The following ZNF536 variants were observed in gnomAD, a reference collection of about 807,000 sequenced individuals.
ZNF536 encodes the protein zinc finger protein 536.
Under a neutral mutation model 84.5 loss-of-function variants are expected in ZNF536, and 13 were observed. The observed-to-expected ratio is 0.15, with a 90% CI of 0.10 to 0.24. The LOEUF (loss-of-function observed/expected upper bound fraction) is 0.24, where lower values mean the gene tolerates loss of function less well. Ranked by LOEUF, ZNF536 falls within the 10% of genes least tolerant of loss-of-function variation. The pLI is 1.00. For missense variants in ZNF536, 1,536 were observed against 1,747.5 expected, an observed-to-expected ratio of 0.88 and a Z score of 2.16; for synonymous variants, 811 against 742.5, an observed-to-expected ratio of 1.09 and a Z score of -1.50.
At chr19:30,361,128 G>C (rs2048260549) in intron 3 of ZNF536, among the ~76,000 whole-genome samples, 1 of 152,060 alleles carries the variant, frequency 6.6e-6, no homozygotes, top group Non-Finnish European at 1.5e-5. Flanking sequence ...TTTAATATTT[G>C]ATTTCATTTT....
At chr19:30,686,358 A>C (rs547837001) in intron 1 of ZNF536, among the ~76,000 whole-genome samples, 3 of 152,098 alleles carry the variant, frequency 2.0e-5, no homozygotes, top group Admixed American at 6.5e-5. Flanking sequence ...CCCTTAGAAG[A>C]GTTAGGAATT....
intron 1 of ZNF536, among the ~76,000 whole-genome samples, chr19:30,423,152 A>ACCAT (rs1427568987): frequency 1.2e-5 from 1 of 86,606 alleles, no homozygotes; most frequent in Non-Finnish European, 2.5e-5. Flanking sequence ...CATCCATCCA[A>ACCAT]CCATCCATCC....
chr19:30,481,807 T>A (rs1416662188), intron 2 of ZNF536, among the ~76,000 whole-genome samples: 1 of 152,180 alleles, frequency 6.6e-6, no homozygotes, highest in African/African-American at 2.4e-5. Context: ...ATATGTAGTC[T>A]TTTATCCCTC....
intron 2 of ZNF536, among the ~76,000 whole-genome samples, chr19:30,341,339 T>C (rs2047559376): frequency 6.6e-6 from 1 of 152,246 alleles, no homozygotes; most frequent in African/African-American, 2.4e-5. Flanking sequence ...TCAATAAATA[T>C]GTCCAGTTCG....
At chr19:30,308,843 G>A (rs1419132039) in intron 2 of ZNF536, among the ~76,000 whole-genome samples, 1 of 152,196 alleles carries the variant, frequency 6.6e-6, no homozygotes, top group African/African-American at 2.4e-5. Context: ...GATTTCCTGT[G>A]AAGGGTCCAT....
At chr19:30,299,572 A>G (rs1019219683) in intron 2 of ZNF536, among the ~76,000 whole-genome samples, 2 of 152,164 alleles carry the variant, frequency 1.3e-5, no homozygotes, top group African/African-American at 4.8e-5. Flanking sequence ...TTTATATATA[A>G]TAATATAAAA....
At chr19:30,513,895 T>C (rs2055522846) in intron 2 of ZNF536, among the ~76,000 whole-genome samples, 1 of 152,202 alleles carries the variant, frequency 6.6e-6, no homozygotes, top group Non-Finnish European at 1.5e-5. Flanking sequence ...TTTGAAGGAT[T>C]CTGAGACCCT....
intron 3 of ZNF536, among the ~76,000 whole-genome samples, chr19:30,537,202 T>C (rs2045121303): frequency 6.6e-6 from 1 of 152,226 alleles, no homozygotes; most frequent in Non-Finnish European, 1.5e-5. Flanking sequence ...CTGCGTCAAT[T>C]CGTGAAAGTG....
At chr19:30,279,150 C>A (rs2045346939) in intron 1 of ZNF536, among the ~76,000 whole-genome samples, 1 of 152,218 alleles carries the variant, frequency 6.6e-6, no homozygotes, top group Non-Finnish European at 1.5e-5. Flanking sequence ...CCAGATGTTG[C>A]TTCCTTAGAG....
At chr19:30,649,910 T>TAAA (rs34573085) in intron 1 of ZNF536, among the ~76,000 whole-genome samples, 2,968 of 149,482 alleles carry the variant, frequency 0.02, 91 homozygotes, top group African/African-American at 0.069. Context: ...TAATCTTAAC[T>TAAA]AAAAAAAAAA....
chr19:30,470,847 A>G (rs913357851), intron 2 of ZNF536, among the ~76,000 whole-genome samples: 4 of 151,836 alleles, frequency 2.6e-5, no homozygotes, highest in African/African-American at 9.7e-5. Flanking sequence ...CACCACGTCC[A>G]GCTACTCTTT....
intron 1 of ZNF536, among the ~76,000 whole-genome samples, chr19:30,605,529 A>G (rs1403053330): frequency 6.6e-6 from 1 of 152,174 alleles, no homozygotes; most frequent in African/African-American, 2.4e-5. Context: ...ATTCCTTTTC[A>G]TAGCAGAGTA....
intron 1 of ZNF536, among the ~76,000 whole-genome samples, chr19:30,666,343 G>A (rs950049064): frequency 6.6e-6 from 1 of 152,096 alleles, no homozygotes; most frequent in Non-Finnish European, 1.5e-5. Flanking sequence ...AGCTGGCCGG[G>A]TCCGACACGT....
At chr19:30,338,440 C>T (rs1415997328) in intron 2 of ZNF536, among the ~76,000 whole-genome samples, 8 of 148,126 alleles carry the variant, frequency 5.4e-5, no homozygotes, top group East Asian at 4.0e-4. Context: ...ATGATGATGG[C>T]GATGACAATG....
intron 1 of ZNF536, among the ~76,000 whole-genome samples, chr19:30,675,894 G>T (rs981742996): frequency 6.6e-6 from 1 of 152,136 alleles, no homozygotes; most frequent in African/African-American, 2.4e-5. Context: ...GTCTCACTCT[G>T]TTGCCTAGGC....
At chr19:30,394,710 C>T (rs556331184) in intron 1 of ZNF536, among the ~76,000 whole-genome samples, 18 of 152,140 alleles carry the variant, frequency 1.2e-4, no homozygotes, top group Non-Finnish European at 1.6e-4. Flanking sequence ...TTTCTACTCC[C>T]AGTTCAGCCT....
At chr19:30,593,016 C>T (rs1313468161) in intron 1 of ZNF536, among the ~76,000 whole-genome samples, 1 of 152,232 alleles carries the variant, frequency 6.6e-6, no homozygotes, top group East Asian at 1.9e-4. Context: ...GAGCCGAACC[C>T]TTCATTAGAC....
In ZNF536 at chr19:30,283,762, AG is replaced by A. The variant is rs1568303148; in HGVS notation, c.-189-309del. Among the ~76,000 whole-genome samples, 19 of 149,464 alleles carry A rather than the reference AG, an allele frequency of 1.3e-4. No individual in the cohort carries two copies. In the Middle Eastern group the frequency reaches 0.01, roughly 81 times the overall value. Reference sequence around the variant, plus strand: ...GAGAGGGAGAGAGAGAGAGAGAGAGAGCCCTTATAATATTAGCTCCTATTTC... The same window carrying A: ...GAGAGGGAGAGAGAGAGAGAGAGAGACCCTTATAATATTAGCTCCTATTTC... On this transcript the variant is annotated intron_variant, in intron 1 of 5. Coordinates refer to the ZNF536 transcript ENST00000585628.
intron 2 of ZNF536, among the ~76,000 whole-genome samples, chr19:30,340,361 G>A (rs1182663452): frequency 6.6e-6 from 1 of 152,196 alleles, no homozygotes; most frequent in Non-Finnish European, 1.5e-5. Flanking sequence ...GGGTCCCGGA[G>A]GGGAGACCGC....
Sources: gnomAD v4.1 joint callset for allele counts (sites outside exome capture counted in the v4.1 genomes callset) on GRCh38, gnomAD v4.1.1 for gene constraint, MANE v1.5 for transcripts, NCBI Gene and HGNC (gene_info 2026-07-23, HGNC 2026-07-21) for gene names.